TACR1: variants seen among roughly 807,000 people sequenced by gnomAD.
TACR1 encodes substance-P receptor.
A neutral mutation model predicts 35.8 loss-of-function variants in TACR1; 25 were observed. That is an observed-to-expected ratio of 0.70 (90% CI 0.51 to 0.98). The LOEUF is 0.98. Among genes scored for constraint, TACR1 ranks in the 50% least tolerant of loss-of-function variants. The probability of loss-of-function intolerance (pLI) is 0.00; values close to 1 mark genes in which losing one functional copy is unlikely to be tolerated. For synonymous variants in TACR1, 195 were observed against 206.7 expected, an observed-to-expected ratio of 0.94 and a Z score of 0.48; for missense variants, 478 against 522.9, an observed-to-expected ratio of 0.91 and a Z score of 0.84.
chr2:75,059,220 T>C (rs1672625027), intron 2 of TACR1, among the ~76,000 whole-genome samples: 1 of 152,194 alleles, frequency 6.6e-6, no homozygotes, highest in Non-Finnish European at 1.5e-5. Flanking sequence ...TCCAGAATCT[T>C]CTTGAATACC....
chr2:75,191,668 T>C (rs1441249930), intron 1 of TACR1, among the ~76,000 whole-genome samples: 1 of 152,216 alleles, frequency 6.6e-6, no homozygotes, highest in African/African-American at 2.4e-5. Flanking sequence ...AAGCATTCTA[T>C]TTTGTAACAA....
intron 1 of TACR1, among the ~76,000 whole-genome samples, chr2:75,130,175 C>T (rs1314349775): frequency 6.6e-6 from 1 of 152,132 alleles, no homozygotes; most frequent in African/African-American, 2.4e-5. Context: ...AAATTTTGCA[C>T]CCCAGGCAAA....
At chr2:75,175,717 C>A (rs572786021) in intron 1 of TACR1, among the ~76,000 whole-genome samples, 94 of 152,258 alleles carry the variant, frequency 6.2e-4, no homozygotes, top group African/African-American at 2.0e-3. Flanking sequence ...CCCAGGGAAA[C>A]TTCCCTATCT....
At chr2:75,096,646 T>C (rs1673430759) in intron 2 of TACR1, among the ~76,000 whole-genome samples, 1 of 152,238 alleles carries the variant, frequency 6.6e-6, no homozygotes, top group African/African-American at 2.4e-5. Context: ...TTTGTTATCA[T>C]GAATGCATAG....
At chr2:75,126,767 A>G (rs986622222) in intron 1 of TACR1, among the ~76,000 whole-genome samples, 2 of 152,238 alleles carry the variant, frequency 1.3e-5, no homozygotes, top group African/African-American at 4.8e-5. Flanking sequence ...AATATCCAGC[A>G]TCTGTAAGGG....
intron 1 of TACR1, among the ~76,000 whole-genome samples, chr2:75,167,416 A>G (rs1369212932): frequency 6.6e-6 from 1 of 152,236 alleles, no homozygotes. Flanking sequence ...TAAAGTCCTA[A>G]TAATCAAAAC....
At position 75,085,461 on chromosome 2, in the gene TACR1, A is replaced by T. The variant is rs182592270; in HGVS notation, c.585-31706T>A. Among the ~76,000 whole-genome samples, 4 of 152,328 alleles carry T rather than the reference A, an allele frequency of 2.6e-5. No individual in the cohort carries two copies. The East Asian group carries it at 5.8e-4, about 22-fold the overall frequency. On this transcript the variant is annotated intron_variant, in intron 2 of 4. Coordinates refer to ENST00000305249, the MANE Select transcript of TACR1 (RefSeq NM_001058.4). ...ATATAAACCCATTGGTCCTAGCGCA[A>T]TCGCACTGGAGGAAGTAGTTACTCT...
At chr2:75,177,276 C>G (rs993481427) in intron 1 of TACR1, among the ~76,000 whole-genome samples, 1 of 152,180 alleles carries the variant, frequency 6.6e-6, no homozygotes, top group African/African-American at 2.4e-5. Flanking sequence ...ACCCCTGGCT[C>G]ATTGTCTTCA....
intron 1 of TACR1, among the ~76,000 whole-genome samples, chr2:75,161,052 C>G (rs1431143186): frequency 6.6e-6 from 1 of 151,862 alleles, no homozygotes; most frequent in African/African-American, 2.4e-5. Flanking sequence ...TGATAATTGT[C>G]TACCTAAGTT....
intron 1 of TACR1, among the ~76,000 whole-genome samples, chr2:75,143,753 T>C (rs1674454305): frequency 6.6e-6 from 1 of 152,208 alleles, no homozygotes; most frequent in African/African-American, 2.4e-5. Flanking sequence ...TAATAGTATT[T>C]GGACCCAAGG....
In TACR1 at chr2:75,113,532, CTTTTTT is replaced by C. The variant is rs11437762; in HGVS notation, c.584+7036_584+7041del. Among the ~76,000 whole-genome samples the C allele has an allele frequency of 2.2e-3, 206 of 92,082 alleles. 1 individual carries two copies. The highest frequency in any genetic ancestry group is 8.1e-3 in the African/African-American group (182 of 22,376). 60.4% of individuals were successfully genotyped at this position (92,082 alleles called of 152,430 possible). On this transcript the variant is annotated intron_variant, in intron 2 of 4. Transcript: ENST00000305249. Reference sequence around the variant, plus strand: ...TGGCTTTCCTCCTTTTTTCTTCTTCCTTTTTTTTTTTTTTTTTTTTTTTTACTTTGT... The same window carrying C: ...TGGCTTTCCTCCTTTTTTCTTCTTCCTTTTTTTTTTTTTTTTTTACTTTGT...
At chr2:75,096,323 TCCCAG>T (rs1673424067) in intron 2 of TACR1, among the ~76,000 whole-genome samples, 1 of 152,160 alleles carries the variant, frequency 6.6e-6, no homozygotes, top group South Asian at 2.1e-4. Flanking sequence ...CATCAGCCAG[TCCCAG>T]TGGAGGCTCC....
intron 1 of TACR1, among the ~76,000 whole-genome samples, chr2:75,152,973 G>C (rs146502333): frequency 7.9e-5 from 12 of 152,280 alleles, no homozygotes; most frequent in African/African-American, 2.9e-4. Flanking sequence ...CGCAATCTCG[G>C]CTCACTGCAA....
At chr2:75,100,778 T>C (rs1306553195) in intron 2 of TACR1, among the ~76,000 whole-genome samples, 1 of 152,344 alleles carries the variant, frequency 6.6e-6, no homozygotes, top group East Asian at 1.9e-4. Context: ...AGCTCTCTCA[T>C]TGTGAGAATA....
intron 2 of TACR1, among the ~76,000 whole-genome samples, chr2:75,074,702 C>A (rs534771988): frequency 6.6e-6 from 1 of 151,862 alleles, no homozygotes; most frequent in East Asian, 1.9e-4. Context: ...TTCTTCCAGG[C>A]AAGAAGGTGG....
At chr2:75,128,793 ATT>A (rs1674126710) in intron 1 of TACR1, among the ~76,000 whole-genome samples, 2 of 152,138 alleles carry the variant, frequency 1.3e-5, no homozygotes, top group East Asian at 3.9e-4. Context: ...AGCTCACAAC[ATT>A]TGTGAGCTAC....
At chr2:75,125,987 T>C (rs1351635876) in intron 1 of TACR1, among the ~76,000 whole-genome samples, 1 of 152,194 alleles carries the variant, frequency 6.6e-6, no homozygotes, top group African/African-American at 2.4e-5. Context: ...GATAAACTCA[T>C]GTTACAGGGG....
At chr2:75,168,766 T>A (rs1272261660) in intron 1 of TACR1, among the ~76,000 whole-genome samples, 1 of 152,220 alleles carries the variant, frequency 6.6e-6, no homozygotes, top group Non-Finnish European at 1.5e-5. Context: ...TCATTTTGGT[T>A]AAGAACCTAT....
chr2:75,160,266 T>G (rs1366272228), intron 1 of TACR1, among the ~76,000 whole-genome samples: 2 of 151,476 alleles, frequency 1.3e-5, no homozygotes, highest in Non-Finnish European at 1.5e-5. Context: ...ATGAAATTGA[T>G]GACAATGAAT....
Sources: gnomAD v4.1 joint callset for allele counts (sites outside exome capture counted in the v4.1 genomes callset) on GRCh38, gnomAD v4.1.1 for gene constraint, MANE v1.5 for transcripts, NCBI Gene and HGNC (gene_info 2026-07-23, HGNC 2026-07-21) for gene names.